Variants in SORCS2 observed in about 807,000 individuals in gnomAD.
SORCS2 encodes the protein sortilin related VPS10 domain containing receptor 2.
Under a neutral mutation model 141.6 loss-of-function variants are expected in SORCS2, and 100 were observed. The ratio of observed to expected loss-of-function variants is 0.71; its 90% CI spans 0.60 to 0.83. The LOEUF is 0.83. Ranked by LOEUF, SORCS2 falls within the 40% of genes least tolerant of loss-of-function variation. SORCS2 has a pLI of 0.00. For missense variants in SORCS2, 1,646 were observed against 1,560.2 expected, an observed-to-expected ratio of 1.05 and a Z score of -0.93; for synonymous variants, 789 against 676.9, an observed-to-expected ratio of 1.17 and a Z score of -2.57.
intron 2 of SORCS2, among the ~76,000 whole-genome samples, chr4:7,404,094 C>G (rs1205727469): frequency 6.7e-6 from 1 of 149,616 alleles, no homozygotes; most frequent in Non-Finnish European, 1.5e-5. Context: ...ACGTTCTGTT[C>G]CATTGTCTTT....
intron 1 of SORCS2, among the ~76,000 whole-genome samples, chr4:7,264,935 C>T (rs960544550): frequency 1.9e-4 from 29 of 152,362 alleles, no homozygotes; most frequent in African/African-American, 6.5e-4. Context: ...GCGGTGCCCG[C>T]CTCATGCCAT....
chr4:7,263,267 C>T (rs75301268), intron 1 of SORCS2, among the ~76,000 whole-genome samples: 2,113 of 152,164 alleles, frequency 0.014, 45 homozygotes, highest in African/African-American at 0.044. Flanking sequence ...AGAGAGGTCA[C>T]CTGGTGTAAT....
rs751821449 is a variant in SORCS2 at position 7,223,645 on chromosome 4, T to TGTC, written c.480+30520_480+30522dup. On this transcript the variant is annotated intron_variant, in intron 1 of 26. Coordinates refer to ENST00000507866, the MANE Select transcript of SORCS2 (RefSeq NM_020777.3). ...TGCCCATACGGATGTTCTCTAGACA[T>TGTC]GTCCACCAAGACTCCCCAGAATCAC... Among the ~76,000 whole-genome samples, 4 of 152,180 alleles carry TGTC rather than the reference T, an allele frequency of 2.6e-5. No homozygotes were observed. In the East Asian group the frequency reaches 7.7e-4, roughly 29 times the overall value.
intron 4 of SORCS2, among the ~76,000 whole-genome samples, chr4:7,641,529 CCATGT>C: frequency 6.6e-6 from 1 of 152,200 alleles, no homozygotes; most frequent in Non-Finnish European, 1.5e-5. Context: ...CAGAGCCAAA[CCATGT>C]CAGGTAACTC....
At chr4:7,454,963 GGT>G (rs1728781473) in intron 2 of SORCS2, among the ~76,000 whole-genome samples, 2 of 141,444 alleles carry the variant, frequency 1.4e-5, no homozygotes, top group South Asian at 2.5e-4. Context: ...GTTGGGGTCA[GGT>G]GCTGTATTGG....
chr4:7,333,925 C>A (rs1181229580), intron 1 of SORCS2, among the ~76,000 whole-genome samples: 1 of 151,940 alleles, frequency 6.6e-6, no homozygotes, highest in Non-Finnish European at 1.5e-5. Flanking sequence ...GCAGGGCTGG[C>A]CTCTGATCCC....
intron 2 of SORCS2, among the ~76,000 whole-genome samples, chr4:7,429,709 C>CA (rs1469603484): frequency 6.6e-6 from 1 of 152,178 alleles, no homozygotes; most frequent in Non-Finnish European, 1.5e-5. Flanking sequence ...GACCCTGAAC[C>CA]AAGGCCACAG....
chr4:7,601,445 C>T (rs1392532313), intron 3 of SORCS2, among the ~76,000 whole-genome samples: 1 of 151,414 alleles, frequency 6.6e-6, no homozygotes, highest in Non-Finnish European at 1.5e-5. Flanking sequence ...CATTATTATA[C>T]TCTCTACATT....
intron 1 of SORCS2, among the ~76,000 whole-genome samples, chr4:7,213,979 G>T (rs1241969530): frequency 6.6e-6 from 1 of 152,210 alleles, no homozygotes; most frequent in Non-Finnish European, 1.5e-5. Flanking sequence ...CATGGGTACA[G>T]GTTGGGTCAG....
At chr4:7,430,363 AAAAC>A (rs142492697) in intron 2 of SORCS2, 92,052 of 151,426 alleles carry the variant, frequency 0.61, 28,156 homozygotes, top group Admixed American at 0.66. Context: ...GCCCCAAGCC[AAAAC>A]AAACAAACAA....
chr4:7,448,799 CCTCTTTTCCCTCCCTCCCTCCCTCCCTTT>C (rs1728191013), intron 2 of SORCS2, among the ~76,000 whole-genome samples: 1 of 26,410 alleles, frequency 3.8e-5, no homozygotes, highest in African/African-American at 1.2e-4. Context: ...TCCCTCCCTT[CCTCTTTTCCCTCCCTCCCTCCCTCCCTTT>C]CTCTCTTTTC....
chr4:7,479,924 C>T (rs1221352487), intron 2 of SORCS2, among the ~76,000 whole-genome samples: 3 of 152,252 alleles, frequency 2.0e-5, no homozygotes, highest in Non-Finnish European at 2.9e-5. Flanking sequence ...GCAGCCCTGT[C>T]CTCCGGGCTC....
intron 11 of SORCS2, among the ~76,000 whole-genome samples, chr4:7,696,333 T>C (rs111443712): frequency 0.012 from 1,797 of 152,262 alleles, 37 homozygotes; most frequent in African/African-American, 0.041. Context: ...ACAGTGGAAG[T>C]CCCAAATCTG....
chr4:7,439,716 C>T (rs568232164), intron 2 of SORCS2, among the ~76,000 whole-genome samples: 4 of 152,328 alleles, frequency 2.6e-5, no homozygotes, highest in Admixed American at 6.5e-5. Context: ...ATGTTGTTCC[C>T]ACAACTGTAG....
At chr4:7,457,598 A>T (rs1728999238) in intron 2 of SORCS2, among the ~76,000 whole-genome samples, 1 of 151,036 alleles carries the variant, frequency 6.6e-6, no homozygotes, top group Non-Finnish European at 1.5e-5. Flanking sequence ...GGTTCACACC[A>T]GGGAGTGTGC....
At chr4:7,229,749 C>CAGTGCA (rs1711682543) in intron 1 of SORCS2, among the ~76,000 whole-genome samples, 1 of 152,166 alleles carries the variant, frequency 6.6e-6, no homozygotes, top group Non-Finnish European at 1.5e-5. Context: ...TGGGCAGGAG[C>CAGTGCA]AGTGTCATGT....
intron 1 of SORCS2, among the ~76,000 whole-genome samples, chr4:7,338,304 A>G (rs1720140157): frequency 6.8e-6 from 1 of 147,756 alleles, no homozygotes; most frequent in African/African-American, 2.5e-5. Flanking sequence ...GGATGGATGG[A>G]TGGATGGATG....
intron 1 of SORCS2, among the ~76,000 whole-genome samples, chr4:7,284,811 A>G (rs1042102809): frequency 6.6e-6 from 1 of 152,178 alleles, no homozygotes; most frequent in African/African-American, 2.4e-5. Flanking sequence ...TCTAAAATTC[A>G]GGGGTCCACA....
At chr4:7,584,407 A>G (rs1284583354) in intron 3 of SORCS2, among the ~76,000 whole-genome samples, 1 of 152,186 alleles carries the variant, frequency 6.6e-6, no homozygotes, top group Non-Finnish European at 1.5e-5. Context: ...AGTTGCTTCC[A>G]TGATGGGCTG....
Sources: gnomAD v4.1 joint callset for allele counts (sites outside exome capture counted in the v4.1 genomes callset) on GRCh38, gnomAD v4.1.1 for gene constraint, MANE v1.5 for transcripts, NCBI Gene and HGNC (gene_info 2026-07-23, HGNC 2026-07-21) for gene names.